MYO3A: variants seen among roughly 807,000 people sequenced by gnomAD.
MYO3A encodes the protein myosin-IIIa.
Under a neutral mutation model 192.7 loss-of-function variants are expected in MYO3A, and 180 were observed. The ratio of observed to expected loss-of-function variants is 0.93; its 90% CI spans 0.83 to 1.06. The LOEUF is 1.06. Among genes scored for constraint, MYO3A ranks in the 50% least tolerant of loss-of-function variants. The pLI is 0.00. For missense variants in MYO3A, 1,896 were observed against 1,905.0 expected (o/e 1.00, Z 0.09); for synonymous variants, 628 against 645.3 (o/e 0.97, Z 0.41).
chr10:26,176,127 T>C (rs1842316906), intron 30 of MYO3A, among the ~76,000 whole-genome samples: 1 of 151,972 alleles, frequency 6.6e-6, no homozygotes, highest in Non-Finnish European at 1.5e-5. Flanking sequence ...ACCCTGTCTC[T>C]ACTAAAAATA....
At chr10:25,935,915 G>T (rs1370179602) in intron 2 of MYO3A, 85 bp downstream of exon 2, 1 of 152,066 alleles carries the variant, frequency 6.6e-6, no homozygotes, top group Admixed American at 6.5e-5. Flanking sequence ...CATGTTATTC[G>T]TGCCATATTG....
At chr10:26,135,966 C>A (rs374717345) in intron 20 of MYO3A, among the ~76,000 whole-genome samples, 139 of 100,070 alleles carry the variant, frequency 1.4e-3, no homozygotes, top group South Asian at 3.2e-3. Context: ...AACTCCATCT[C>A]AAAAAAAAAA....
intron 21 of MYO3A, 91 bp downstream of exon 21, chr10:26,143,692 A>G: frequency 6.7e-7 from 1 of 1,482,690 alleles, no homozygotes; most frequent in Non-Finnish European, 9.4e-7. Context: ...ATTATCTGGA[A>G]GAAAATAGCT....
At chr10:26,178,790 GTTTA>G (rs530044620) in intron 31 of MYO3A, among the ~76,000 whole-genome samples, 35 of 151,682 alleles carry the variant, frequency 2.3e-4, no homozygotes, top group African/African-American at 7.3e-4. Context: ...TGCTTTAAAT[GTTTA>G]TTTATTTATT....
chr10:26,173,477 C>G (rs1842155783), intron 29 of MYO3A, among the ~76,000 whole-genome samples, 186 bp from the exon 30 acceptor site: 1 of 152,176 alleles, frequency 6.6e-6, no homozygotes, highest in African/African-American at 2.4e-5. Context: ...GAGTAGTTAT[C>G]ACAGTTGTCA....
intron 4 of MYO3A, among the ~76,000 whole-genome samples, chr10:25,983,261 G>GTT (rs374643116): frequency 7.0e-5 from 10 of 142,014 alleles, no homozygotes; most frequent in African/African-American, 1.3e-4. Flanking sequence ...AATGATTTTT[G>GTT]TTTTTTTTTT....
intron 10 of MYO3A, 87 bp downstream of exon 10, chr10:26,026,619 TA>T (rs760690933): frequency 8.6e-6 from 13 of 1,511,970 alleles, no homozygotes; most frequent in Non-Finnish European, 1.2e-5. Flanking sequence ...TTAAGGTGAA[TA>T]AAATTTGGAG....
At chr10:25,942,829 G>A (rs989156693) in intron 2 of MYO3A, among the ~76,000 whole-genome samples, 20 of 150,256 alleles carry the variant, frequency 1.3e-4, no homozygotes, top group African/African-American at 4.9e-4. Flanking sequence ...TATATATTCT[G>A]TATGTTAACC....
chr10:25,941,236 C>T (rs976165445), intron 2 of MYO3A, among the ~76,000 whole-genome samples: 5 of 152,132 alleles, frequency 3.3e-5, no homozygotes, highest in South Asian at 2.1e-4. Context: ...ACCCAGAATC[C>T]GAGGCTATCT....
chr10:25,941,749 C>T (rs1283372103), intron 2 of MYO3A, among the ~76,000 whole-genome samples: 3 of 152,134 alleles, frequency 2.0e-5, no homozygotes, highest in Non-Finnish European at 4.4e-5. Context: ...ACTCTGGATT[C>T]AACAAAATTC....
chr10:26,012,592 G>T (rs1841736089), intron 6 of MYO3A, among the ~76,000 whole-genome samples: 1 of 152,104 alleles, frequency 6.6e-6, no homozygotes, highest in East Asian at 1.9e-4. Flanking sequence ...AATCATAGGT[G>T]ACACAAACAA....
At chr10:26,029,848 G>T (rs942462314) in intron 10 of MYO3A, among the ~76,000 whole-genome samples, 21 of 152,096 alleles carry the variant, frequency 1.4e-4, no homozygotes, top group African/African-American at 5.1e-4. Flanking sequence ...ATTTTAGTTT[G>T]CCTTCTCATC....
In MYO3A at chr10:26,170,448, AAAG is replaced by A; in HGVS notation, c.3310_3312del (p.Glu1104del). On this transcript the variant is annotated inframe_deletion, in exon 29 of 35. Transcript: ENST00000642920. Reference sequence around the variant, plus strand: ...AGGACACCTTGTCAGGAAACAAAGAAAAGAAATTGTTGACATGAAAAACACAGC... The same window carrying A: ...AGGACACCTTGTCAGGAAACAAAGAAAAATTGTTGACATGAAAAACACAGC... 6.2e-7 allele frequency: 1 copy of A among 1,613,706 alleles called. No individual in the cohort carries two copies. Among genetic ancestry groups the A allele is most frequent in the Non-Finnish European group, 8.5e-7 (1 of 1,179,768 alleles).
At position 25,950,671 on chromosome 10, in the gene MYO3A, C is replaced by T. The variant is rs553223117; in HGVS notation, c.-17-1423C>T. On this transcript the variant is annotated intron_variant, in intron 2 of 34. Coordinates refer to ENST00000642920, the MANE Select transcript of MYO3A (RefSeq NM_017433.5). ...AGAGTGTTTAGGGCCTTTGTAAAGA[C>T]GTCACAATAATACAAGGCTTAGAGT... Among the ~76,000 whole-genome samples the T allele has an allele frequency of 1.1e-4, 16 of 152,058 alleles. No individual in the cohort carries two copies. The South Asian group carries it at 1.2e-3, about 12-fold the overall frequency.
chr10:26,169,887 C>G (rs1310358611), intron 28 of MYO3A, among the ~76,000 whole-genome samples: 1 of 152,168 alleles, frequency 6.6e-6, no homozygotes. Context: ...AAGTTATTTA[C>G]AGTTCTTTAC....
intron 22 of MYO3A, among the ~76,000 whole-genome samples, chr10:26,146,718 A>T (rs1392053484): frequency 6.6e-6 from 1 of 152,236 alleles, no homozygotes; most frequent in Non-Finnish European, 1.5e-5. Flanking sequence ...GAAAGTTTAC[A>T]TCTTCAAAAT....
chr10:25,978,684 G>C (rs577805694), intron 4 of MYO3A, among the ~76,000 whole-genome samples: 11 of 152,068 alleles, frequency 7.2e-5, no homozygotes, highest in Non-Finnish European at 1.6e-4. Flanking sequence ...GAATATTACA[G>C]AATATAGAAT....
At chr10:26,170,322 G>C (rs1389570071) in intron 28 of MYO3A, 94 bp from the exon 29 acceptor site, 5 of 1,369,986 alleles carry the variant, frequency 3.6e-6, no homozygotes, top group Non-Finnish European at 4.0e-6. Flanking sequence ...TTTCCTCTTT[G>C]ACATCAATGG....
chr10:25,954,831 A>G (rs1419608362), intron 3 of MYO3A, 43 bp from the exon 4 acceptor site: 5 of 1,588,528 alleles, frequency 3.1e-6, no homozygotes, highest in Non-Finnish European at 4.3e-6. Context: ...GACATTACTC[A>G]TGGTTTTCTC....
Sources: gnomAD v4.1 joint callset for allele counts (sites outside exome capture counted in the v4.1 genomes callset) on GRCh38, gnomAD v4.1.1 for gene constraint, MANE v1.5 for transcripts, NCBI Gene and HGNC (gene_info 2026-07-23, HGNC 2026-07-21) for gene names.